ZBTB20: variants seen among roughly 807,000 people sequenced by gnomAD.
ZBTB20 encodes zinc finger and BTB domain containing 20.
In ZBTB20, 9 loss-of-function variants were observed where a neutral mutation model predicts 56.9. The ratio of observed to expected loss-of-function variants is 0.16; its 90% CI spans 0.10 to 0.28. The LOEUF is 0.28. Among genes scored for constraint, ZBTB20 ranks in the 10% least tolerant of loss-of-function variants. The pLI, the probability that ZBTB20 is intolerant of heterozygous loss-of-function variation, is 1.00. For synonymous variants in ZBTB20, 417 were observed against 420.7 expected, an observed-to-expected ratio of 0.99 and a Z score of 0.11; for missense variants, 655 against 1,003.0, an observed-to-expected ratio of 0.65 and a Z score of 4.69.
chr3:114,406,038 G>A (rs1464333182), intron 7 of ZBTB20, among the ~76,000 whole-genome samples: 2 of 150,610 alleles, frequency 1.3e-5, no homozygotes, highest in Non-Finnish European at 2.9e-5. Flanking sequence ...ATGCCAAGTA[G>A]AAACACTGGG....
intron 1 of ZBTB20, among the ~76,000 whole-genome samples, chr3:115,104,918 T>C (rs1216842484): frequency 6.6e-6 from 1 of 151,958 alleles, no homozygotes; most frequent in Non-Finnish European, 1.5e-5. Context: ...ATGACTCTGG[T>C]GGGGGATATT....
intron 4 of ZBTB20, among the ~76,000 whole-genome samples, chr3:114,894,922 C>T (rs115834692): frequency 6.4e-4 from 98 of 152,172 alleles, no homozygotes; most frequent in Non-Finnish European, 1.2e-3. Context: ...TGATATTAGG[C>T]AGGTCTGTAT....
chr3:114,759,061 C>T (rs1402371603), intron 5 of ZBTB20: 2 of 152,138 alleles, frequency 1.3e-5, no homozygotes, highest in Non-Finnish European at 2.9e-5. Flanking sequence ...TTTGCTTGTC[C>T]TGTGATTTTT....
chr3:114,534,121 C>T (rs928854388), intron 6 of ZBTB20, among the ~76,000 whole-genome samples: 4 of 152,150 alleles, frequency 2.6e-5, no homozygotes, highest in African/African-American at 9.7e-5. Flanking sequence ...ATGACAGGAT[C>T]AGATTCACAC....
In ZBTB20 at chr3:114,338,989, G is replaced by A; in HGVS notation, c.*16C>T. On this transcript the variant is annotated 3_prime_UTR_variant, in exon 12 of 12. Transcript: ENST00000675478. ...GTTGTTTTGTTTTGTTCATAAGAAA[G>A]AGAGAAAGATACTACTTATCCGTCA... 6.7e-7 allele frequency: 1 copy of A among 1,488,562 alleles called. No homozygotes were observed. The highest frequency in any genetic ancestry group is 2.3e-5 in the East Asian group (1 of 43,464). The allele number at this position is 1,488,562 out of a possible 1,614,324, so 92.2% of individuals were successfully genotyped here.
intron 5 of ZBTB20, among the ~76,000 whole-genome samples, chr3:114,765,494 A>T (rs896766697): frequency 6.6e-6 from 1 of 152,174 alleles, no homozygotes; most frequent in Non-Finnish European, 1.5e-5. Context: ...ACTAAGCAAG[A>T]GGCATGAAAC....
chr3:114,402,653 T>C (rs1456893231), intron 7 of ZBTB20, among the ~76,000 whole-genome samples: 1 of 152,196 alleles, frequency 6.6e-6, no homozygotes, highest in Non-Finnish European at 1.5e-5. Context: ...CTGTTGGGAC[T>C]AGATTCTTCT....
In ZBTB20 at chr3:114,836,620, C is replaced by G. The variant is rs2074131190; in HGVS notation, c.-416-35446G>C. On this transcript the variant is annotated intron_variant, in intron 4 of 11. Transcript: ENST00000675478. ...CCTGACAGTTGATCAGGCCAAACAT[C>G]AGCAACTCTTTTTGCCTCACCCACC... Among the ~76,000 whole-genome samples the G allele has an allele frequency of 1.3e-5, 2 of 152,146 alleles. 1 individual carries two copies. Among genetic ancestry groups the G allele is most frequent in the Admixed American group, 1.3e-4 (2 of 15,268 alleles).
At chr3:114,435,038 C>T (rs1295385297) in intron 7 of ZBTB20, among the ~76,000 whole-genome samples, 2 of 152,034 alleles carry the variant, frequency 1.3e-5, no homozygotes, top group East Asian at 3.9e-4. Flanking sequence ...ATCATGTAGT[C>T]CATGTATCCT....
intron 2 of ZBTB20, among the ~76,000 whole-genome samples, chr3:114,992,090 C>G (rs961760472): frequency 6.6e-6 from 1 of 151,808 alleles, no homozygotes; most frequent in Admixed American, 6.6e-5. Context: ...CTCTTTCTGT[C>G]TTTTTTACTC....
At chr3:114,903,883 T>TA (rs945623291) in intron 3 of ZBTB20, among the ~76,000 whole-genome samples, 10 of 150,798 alleles carry the variant, frequency 6.6e-5, no homozygotes, top group East Asian at 3.9e-4. Context: ...CAACTCTAAG[T>TA]AAAAAAAAAC....
chr3:114,678,716 A>G (rs2061786365), intron 6 of ZBTB20, among the ~76,000 whole-genome samples: 1 of 152,186 alleles, frequency 6.6e-6, no homozygotes, highest in South Asian at 2.1e-4. Context: ...GTAATGCCAA[A>G]GAAAGGTATA....
chr3:114,919,394 T>C (rs2075869304), intron 3 of ZBTB20, among the ~76,000 whole-genome samples: 1 of 151,564 alleles, frequency 6.6e-6, no homozygotes, highest in Admixed American at 6.6e-5. Flanking sequence ...GACAGCAAGA[T>C]TGGAAGAAAG....
chr3:114,432,874 C>T (rs2090221697), intron 7 of ZBTB20, among the ~76,000 whole-genome samples: 2 of 151,962 alleles, frequency 1.3e-5, no homozygotes, highest in South Asian at 4.1e-4. Flanking sequence ...AATCAGCTAC[C>T]TCATTTGGAC....
intron 2 of ZBTB20, among the ~76,000 whole-genome samples, chr3:115,054,689 A>C (rs1285765183): frequency 1.3e-5 from 2 of 152,280 alleles, no homozygotes; most frequent in East Asian, 3.9e-4. Flanking sequence ...ATACAAAATC[A>C]ACTGATTTGA....
intron 6 of ZBTB20, among the ~76,000 whole-genome samples, chr3:114,510,468 G>T (rs74816704): frequency 0.14 from 21,809 of 151,382 alleles, 1,635 homozygotes; most frequent in South Asian, 0.16. Flanking sequence ...CACCCACAAC[G>T]CCACAGAGCT....
At chr3:114,774,949 C>T (rs895031549) in intron 5 of ZBTB20, among the ~76,000 whole-genome samples, 2 of 151,962 alleles carry the variant, frequency 1.3e-5, no homozygotes, top group Non-Finnish European at 2.9e-5. Flanking sequence ...CAGCATGCTC[C>T]CTTCCTTCTC....
intron 5 of ZBTB20, among the ~76,000 whole-genome samples, chr3:114,777,011 CT>C (rs1252831242): frequency 4.2e-4 from 64 of 152,244 alleles, no homozygotes; most frequent in Non-Finnish European, 6.2e-4. Flanking sequence ...CATTTTCCCC[CT>C]AAATCAATTA....
chr3:114,604,718 C>CA (rs2057016026), intron 6 of ZBTB20, among the ~76,000 whole-genome samples: 1 of 151,844 alleles, frequency 6.6e-6, no homozygotes, highest in Non-Finnish European at 1.5e-5. Context: ...GTCTTTGGAG[C>CA]AAAAAATGAT....
Sources: gnomAD v4.1 joint callset for allele counts (sites outside exome capture counted in the v4.1 genomes callset) on GRCh38, gnomAD v4.1.1 for gene constraint, MANE v1.5 for transcripts, NCBI Gene and HGNC (gene_info 2026-07-23, HGNC 2026-07-21) for gene names.